Variants in TMED1 observed in about 807,000 individuals in gnomAD.
TMED1 encodes the protein transmembrane p24 trafficking protein 1.
TMED1 carries 20 observed loss-of-function variants against 21.2 expected under a neutral mutation model. The ratio of observed to expected loss-of-function variants is 0.95; its 90% CI spans 0.67 to 1.37. The LOEUF (loss-of-function observed/expected upper bound fraction) is 1.37. Ranked by LOEUF, TMED1 falls within the 40% of genes most tolerant of loss-of-function variation. The pLI is 0.00. For missense variants in TMED1, 316 were observed against 309.8 expected (o/e 1.02, Z -0.15); for synonymous variants, 149 against 134.7 (o/e 1.11, Z -0.74).
Position 10,832,678 on chromosome 19 carries a change from A to T in TMED1, c.*317T>A. 1.7e-6 allele frequency: 1 copy of T among 586,784 alleles called. No homozygotes were observed. The highest frequency in any genetic ancestry group is 3.0e-6 in the Non-Finnish European group (1 of 330,378). The allele number at this position is 586,784 out of a possible 1,614,324, so 36.3% of individuals were successfully genotyped here. ...CCCTGCCCCGCACCAGGCAACGCTA[A>T]CACAGGATGGGAGGCTTAGGCTAAG... On this transcript the variant is annotated 3_prime_UTR_variant, in exon 4 of 4. Coordinates refer to ENST00000214869, the MANE Select transcript of TMED1 (RefSeq NM_006858.4).
intron 1 of TMED1, chr19:10,835,633 G>C: frequency 7.1e-7 from 1 of 1,410,642 alleles, no homozygotes; most frequent in South Asian, 1.5e-5. Flanking sequence ...CTCCGCCTCC[G>C]AAAGAGGATA....
chr19:10,835,764 C>T (rs919207461), intron 1 of TMED1: 19 of 1,421,268 alleles, frequency 1.3e-5, no homozygotes, highest in Non-Finnish European at 1.6e-5. Flanking sequence ...CTCAGAGGCT[C>T]CCTATACTTA....
chr19:10,835,595 A>G (rs1399043700), intron 1 of TMED1: 12 of 1,417,472 alleles, frequency 8.5e-6, no homozygotes, highest in Non-Finnish European at 1.1e-5. Flanking sequence ...TACTTAATGG[A>G]CGTTTACCTG....
At chr19:10,835,582 A>G in intron 1 of TMED1, 1 of 1,410,688 alleles carries the variant, frequency 7.1e-7, no homozygotes, top group Non-Finnish European at 9.2e-7. Context: ...CACCTACCAA[A>G]AGTACTTAAT....
rs888122087 is a variant in TMED1 at position 10,833,388 on chromosome 19, C to G, written c.466-175G>C. On this transcript the variant is annotated intron_variant, in intron 3 of 3. Transcript: ENST00000214869. ...CACCCTGCCACTCACTGGCTGTGACCATGAGCAACTTAATTAACCTATCTG... is the reference window on the plus strand; with the variant it reads ...CACCCTGCCACTCACTGGCTGTGACGATGAGCAACTTAATTAACCTATCTG... The G allele has an allele frequency of 1.0e-4, 63 of 610,208 alleles. No homozygotes were observed. The Middle Eastern group carries it at 3.1e-3, about 30-fold the overall frequency. The allele number at this position is 610,208 out of a possible 1,614,324, so 37.8% of individuals were successfully genotyped here. A position where few individuals can be genotyped will look rare whatever the true frequency, so the allele number is the denominator to read the frequency against.
At position 10,836,163 on chromosome 19, in the gene TMED1, A is replaced by C. The variant is rs745361829; in HGVS notation, c.29T>G (p.Leu10Arg). 9 of 1,558,226 alleles carry C rather than the reference A, an allele frequency of 5.8e-6. No homozygotes were observed. The highest frequency in any genetic ancestry group is 1.7e-4 in the Middle Eastern group (1 of 5,880). MMAAGAALA[L>R]ALWLLMPPVE... The stretch of plus-strand genomic sequence containing the variant: ...TGGTGGCATTAGTAGCCACAAGGCC[A>C]GGGCTAGGGCCGCGCCGGCCGCCAT... Residue 10 changes from leucine (L) to arginine (R), a missense_variant, in exon 1 of 4, where the codon CTG becomes CGG. Coordinates refer to ENST00000214869, the MANE Select transcript of TMED1 (RefSeq NM_006858.4).
chr19:10,834,835 G>A (rs2073405997), intron 3 of TMED1, 99 bp downstream of exon 3: 1 of 1,352,112 alleles, frequency 7.4e-7, no homozygotes, highest in Non-Finnish European at 1.0e-6. Flanking sequence ...TCAGTTGGAG[G>A]GCACAACTAC....
Position 10,835,002 on chromosome 19 carries a change from C to T in TMED1, c.397G>A (p.Glu133Lys). The change falls in exon 3 of 4, where the codon GAG (glutamate) becomes AAG (lysine). Residue 133 changes from glutamate (E) to lysine (K), a missense_variant. Glu to Lys is a moderately conservative substitution (Grantham distance 56, BLOSUM62 1). Transcript: ENST00000214869. ...LIFDSLQDDE[E>K]VEGWAEAVEP... is the part of the protein sequence containing the mutation. ...ACAGCCTCTGCCCATCCTTCGACCT[C>T]CTCGTCATCCTGGAGGCTGTCAAAG... is the stretch of plus-strand genomic sequence containing the variant. 1 of 1,614,254 alleles carries T rather than the reference C, an allele frequency of 6.2e-7. No homozygotes were observed. The highest frequency in any genetic ancestry group is 8.5e-7 in the Non-Finnish European group (1 of 1,180,044).
At chr19:10,835,951 C>A in intron 1 of TMED1, 58 bp downstream of exon 1, 1 of 1,503,346 alleles carries the variant, frequency 6.7e-7, no homozygotes, top group South Asian at 1.3e-5. Flanking sequence ...TCGCCTCGAC[C>A]GCTTGGCCAC....
chr19:10,834,767 C>A, intron 3 of TMED1, 167 bp downstream of exon 3: 1 of 816,788 alleles, frequency 1.2e-6, no homozygotes, highest in Non-Finnish European at 1.9e-6. Flanking sequence ...AGGCGTGAGC[C>A]ACCGTGCCCG....
chr19:10,835,708 G>T, intron 1 of TMED1: 1 of 1,398,994 alleles, frequency 7.1e-7, no homozygotes, highest in Non-Finnish European at 9.3e-7. Flanking sequence ...CCCCGCAGTT[G>T]ACCTATCAGC....
At chr19:10,834,896 G>T (rs1395238705) in intron 3 of TMED1, 38 bp downstream of exon 3, 1 of 1,597,742 alleles carries the variant, frequency 6.3e-7, no homozygotes, top group Non-Finnish European at 8.5e-7. Context: ...GAATCCTAGA[G>T]ATCTGGAAGG....
In TMED1 at chr19:10,835,036, A is replaced by AAAG; in HGVS notation, c.360_362dup (p.Phe121dup). ...CCTGGAGGCTGTCAAAGATCAGTTC[A>AAAG]AAGAACACCAGCTTCTCGGAGATGG... On this transcript the variant is annotated inframe_insertion, in exon 3 of 4. Transcript: ENST00000214869. 1 of 1,614,224 alleles carries AAAG rather than the reference A, an allele frequency of 6.2e-7. No homozygotes were observed. Among genetic ancestry groups the AAAG allele is most frequent in the Non-Finnish European group, 8.5e-7 (1 of 1,180,038 alleles).
chr19:10,832,879 C>A lies in TMED1; in HGVS notation c.*116G>T. 3.3e-6 allele frequency: 4 copies of A among 1,201,356 alleles called. No individual in the cohort carries two copies. The highest frequency in any genetic ancestry group is 4.7e-6 in the Non-Finnish European group (4 of 854,202). The allele number at this position is 1,201,356 out of a possible 1,614,324, so 74.4% of individuals were successfully genotyped here. On this transcript the variant is annotated 3_prime_UTR_variant, in exon 4 of 4. Coordinates refer to ENST00000214869, the MANE Select transcript of TMED1 (RefSeq NM_006858.4). ...AGACTCATGGGGCCAGACCGCAGGC[C>A]CTGACTGCACACTCCCGTTTTGGCA...
At chr19:10,835,701 C>T in intron 1 of TMED1, 3 of 1,402,890 alleles carry the variant, frequency 2.1e-6, no homozygotes, top group Non-Finnish European at 2.8e-6. Context: ...GCAACGCCCC[C>T]GCAGTTGACC....
Position 10,835,373 on chromosome 19 carries a change from G to A in TMED1, c.184-20C>T, listed in dbSNP as rs1285133141. ...GATCACCTGGGGGGCAGGTAAGAGC[G>A]GGTGGAGGGCTAGCGGTAGGCCAAG... On this transcript the variant is annotated intron_variant, in intron 1 of 3. Coordinates refer to ENST00000214869, the MANE Select transcript of TMED1 (RefSeq NM_006858.4). 1.5e-5 allele frequency: 25 copies of A among 1,613,090 alleles called. No homozygotes were observed. The highest frequency in any genetic ancestry group is 2.0e-5 in the Non-Finnish European group (24 of 1,179,762).
intron 2 of TMED1, 46 bp from the exon 3 acceptor site, chr19:10,835,163 C>T (rs763304413): frequency 1.2e-6 from 2 of 1,609,976 alleles, no homozygotes; most frequent in Non-Finnish European, 1.7e-6. Context: ...GCCAGCCAGC[C>T]GACTCAGCGG....
Position 10,832,837 on chromosome 19 carries a change from C to T in TMED1, c.*158G>A. The T allele has an allele frequency of 2.5e-6, 2 of 787,310 alleles. No homozygotes were observed. Among genetic ancestry groups the T allele is most frequent in the Non-Finnish European group, 4.0e-6 (2 of 497,034 alleles). The allele number at this position is 787,310 out of a possible 1,614,324, so 48.8% of individuals were successfully genotyped here. On this transcript the variant is annotated 3_prime_UTR_variant, in exon 4 of 4. Coordinates refer to ENST00000214869, the MANE Select transcript of TMED1 (RefSeq NM_006858.4). ...TCTACAAGCCAGAGGTGTTCCCTGC[C>T]CGCTGAGGACGGAAGGAGACTCATG...
At chr19:10,833,956 G>T (rs1478195754) in intron 3 of TMED1, among the ~76,000 whole-genome samples, 2 of 152,098 alleles carry the variant, frequency 1.3e-5, no homozygotes, top group East Asian at 3.9e-4. Context: ...GATCCCCTGA[G>T]GTCAGGAGTT....
Sources: allele counts gnomAD v4.1 joint callset (sites outside exome capture counted in the v4.1 genomes callset), GRCh38; gene constraint gnomAD v4.1.1; transcripts MANE v1.5; gene names NCBI Gene and HGNC (gene_info 2026-07-23, HGNC 2026-07-21).